The following GRM5 variants were observed in gnomAD, a reference collection of about 807,000 sequenced individuals.
GRM5 encodes metabotropic glutamate receptor 5.
A neutral mutation model predicts 83.1 loss-of-function variants in GRM5; 19 were observed. The ratio of observed to expected loss-of-function variants is 0.23; its 90% CI spans 0.16 to 0.34. The LOEUF is 0.34. Among genes scored for constraint, GRM5 ranks in the 10% least tolerant of loss-of-function variants. The probability of loss-of-function intolerance (pLI) is 1.00; values close to 1 mark genes in which losing one functional copy is unlikely to be tolerated. For missense variants in GRM5, 1,160 were observed against 1,588.3 expected (o/e 0.73, Z 4.58); for synonymous variants, 675 against 633.6 (o/e 1.07, Z -0.98).
intron 2 of GRM5, among the ~76,000 whole-genome samples, chr11:88,994,276 GAATT>G (rs1325095862): frequency 6.6e-6 from 1 of 151,020 alleles, no homozygotes; most frequent in African/African-American, 2.4e-5. Flanking sequence ...TGGATTAGAA[GAATT>G]AATATTGTTA....
At chr11:88,537,854 G>A (rs1942170831) in intron 8 of GRM5, among the ~76,000 whole-genome samples, 1 of 152,054 alleles carries the variant, frequency 6.6e-6, no homozygotes, top group African/African-American at 2.4e-5. Context: ...GAAACTAATG[G>A]CAAAGTGAAG....
At chr11:88,989,343 G>T (rs1939873059) in intron 2 of GRM5, among the ~76,000 whole-genome samples, 1 of 135,566 alleles carries the variant, frequency 7.4e-6, no homozygotes, top group Non-Finnish European at 1.6e-5. Context: ...CAATACAGTA[G>T]CACCCAGATT....
chr11:88,986,860 C>G (rs955402247), intron 2 of GRM5, among the ~76,000 whole-genome samples: 1 of 148,768 alleles, frequency 6.7e-6, no homozygotes, highest in Non-Finnish European at 1.5e-5. Context: ...ACATTTAAGT[C>G]TTTAATCCAC....
chr11:89,050,153 G>T (rs1385920128), intron 1 of GRM5, among the ~76,000 whole-genome samples: 2 of 152,108 alleles, frequency 1.3e-5, no homozygotes. Flanking sequence ...CAGTATACAT[G>T]TTAAAACACT....
At chr11:88,634,579 C>T (rs1939067860) in intron 4 of GRM5, among the ~76,000 whole-genome samples, 1 of 152,072 alleles carries the variant, frequency 6.6e-6, no homozygotes, top group South Asian at 2.1e-4. Context: ...CTCATCCTAC[C>T]AGAAGGTCTT....
chr11:88,841,779 C>G (rs985313081), intron 3 of GRM5, among the ~76,000 whole-genome samples: 1 of 152,068 alleles, frequency 6.6e-6, no homozygotes. Flanking sequence ...CACTTTTGTT[C>G]CCATGGTGTT....
Position 88,925,630 on chromosome 11 carries a change from C to A in GRM5, c.662-75475G>T, listed in dbSNP as rs1945775718. 3 of 389,002 alleles carry A rather than the reference C, an allele frequency of 7.7e-6. 1 individual carries two copies. The highest frequency in any genetic ancestry group is 5.6e-5 in the South Asian group (3 of 53,384). The allele number at this position is 389,002 out of a possible 1,614,324, so 24.1% of individuals were successfully genotyped here. The stretch of plus-strand genomic sequence containing the variant: ...GAGTGTTCTAAGATGTGGCACTGGC[C>A]GGGTGCTGGGGTGGCTCATGCCCAT... On this transcript the variant is annotated intron_variant, in intron 2 of 9. Coordinates refer to ENST00000305447, the MANE Select transcript of GRM5 (RefSeq NM_001143831.3).
intron 3 of GRM5, among the ~76,000 whole-genome samples, chr11:88,813,943 T>C (rs780743794): frequency 2.6e-5 from 4 of 151,426 alleles, no homozygotes; most frequent in Non-Finnish European, 5.9e-5. Context: ...TGATTAACCA[T>C]TAATTCAAAA....
chr11:89,043,135 C>G (rs1565348748), intron 2 of GRM5, among the ~76,000 whole-genome samples: 1 of 152,134 alleles, frequency 6.6e-6, no homozygotes, highest in Non-Finnish European at 1.5e-5. Context: ...TATCCACATA[C>G]TATATAGTCA....
chr11:88,943,604 C>T lies in GRM5; in HGVS notation c.662-93449G>A, dbSNP rs578137582. ...TTATAAGTTAATGATGTACACCAAG[C>T]TCCCAAGTGGGAACTCTTGATGCCT... On this transcript the variant is annotated intron_variant, in intron 2 of 9. Coordinates refer to ENST00000305447, the MANE Select transcript of GRM5 (RefSeq NM_001143831.3). Among the ~76,000 whole-genome samples, 4 of 152,162 alleles carry T rather than the reference C, an allele frequency of 2.6e-5. No homozygotes were observed. In the East Asian group the frequency reaches 5.8e-4, roughly 22 times the overall value.
At chr11:88,677,776 C>T (rs1193698846) in intron 3 of GRM5, among the ~76,000 whole-genome samples, 1 of 152,086 alleles carries the variant, frequency 6.6e-6, no homozygotes, top group Non-Finnish European at 1.5e-5. Flanking sequence ...CATTAGGCTG[C>T]ATCTTTCCAT....
chr11:88,997,559 G>A (rs1940228567), intron 2 of GRM5, among the ~76,000 whole-genome samples: 1 of 151,768 alleles, frequency 6.6e-6, no homozygotes, highest in African/African-American at 2.4e-5. Flanking sequence ...AAAAAAATGA[G>A]ACAGAGAGAG....
At chr11:88,654,253 A>C (rs1939711265) in intron 3 of GRM5, among the ~76,000 whole-genome samples, 1 of 152,168 alleles carries the variant, frequency 6.6e-6, no homozygotes, top group African/African-American at 2.4e-5. Context: ...AGAATAAGAA[A>C]AAGTAAAGTC....
At chr11:88,794,604 G>T (rs1271362199) in intron 3 of GRM5, among the ~76,000 whole-genome samples, 1 of 152,184 alleles carries the variant, frequency 6.6e-6, no homozygotes, top group Non-Finnish European at 1.5e-5. Context: ...ATAAAGTAAG[G>T]TGAGTCCATG....
intron 3 of GRM5, among the ~76,000 whole-genome samples, chr11:88,822,090 T>G (rs1279147697): frequency 6.6e-6 from 1 of 152,178 alleles, no homozygotes; most frequent in East Asian, 1.9e-4. Context: ...TTAAGTGACT[T>G]CATATACCAC....
chr11:88,749,346 C>A (rs1357970026), intron 3 of GRM5, among the ~76,000 whole-genome samples: 2 of 152,070 alleles, frequency 1.3e-5, no homozygotes, highest in South Asian at 2.1e-4. Context: ...AATCTCAGAC[C>A]TTGAAAACTA....
intron 4 of GRM5, among the ~76,000 whole-genome samples, chr11:88,651,146 C>T (rs1038538997): frequency 5.9e-5 from 9 of 151,976 alleles, no homozygotes; most frequent in African/African-American, 1.2e-4. Context: ...TTTTACAGAA[C>T]GGTTTCCATA....
At chr11:88,871,301 C>T (rs1173752686) in intron 2 of GRM5, among the ~76,000 whole-genome samples, 1 of 151,534 alleles carries the variant, frequency 6.6e-6, no homozygotes, top group Admixed American at 6.6e-5. Flanking sequence ...AACTTAAAAT[C>T]AGTTCTAATA....
rs1036869430 is a variant in GRM5, at chr11:88,745,463, C to G, written c.912-92060G>C. 2.6e-5 allele frequency among the ~76,000 whole-genome samples: 4 copies of G among 152,248 alleles called. No individual in the cohort carries two copies. The South Asian group carries it at 8.3e-4, about 32-fold the overall frequency. ...TCAAGCTATCCACCTGTCTCAGCCT[C>G]CCCAAGTGCAGGGATTACAGGCATG... On this transcript the variant is annotated intron_variant, in intron 3 of 9. Coordinates refer to ENST00000305447, the MANE Select transcript of GRM5 (RefSeq NM_001143831.3).
Sources: gnomAD v4.1 joint callset for allele counts (sites outside exome capture counted in the v4.1 genomes callset) on GRCh38, gnomAD v4.1.1 for gene constraint, MANE v1.5 for transcripts, NCBI Gene and HGNC (gene_info 2026-07-23, HGNC 2026-07-21) for gene names.